ANKRD30B: variants seen among roughly 807,000 people sequenced by gnomAD.
The protein encoded by ANKRD30B is ankyrin repeat domain-containing protein 30B.
A neutral mutation model predicts 202.2 loss-of-function variants in ANKRD30B; 144 were observed. The ratio of observed to expected loss-of-function variants is 0.71; its 90% CI spans 0.62 to 0.82. ANKRD30B has a LOEUF of 0.82. ANKRD30B is among the 40% of genes least tolerant of loss of function. The pLI, the probability that ANKRD30B is intolerant of heterozygous loss-of-function variation, is 0.00. For synonymous variants in ANKRD30B, 508 were observed against 561.3 expected (o/e 0.91, Z 1.34); for missense variants, 1,487 against 1,669.1 (o/e 0.89, Z 1.90).
chr18:14,778,025 C>A lies in ANKRD30B; in HGVS notation c.1370C>A (p.Pro457His). 1 of 1,549,078 alleles carries A rather than the reference C, an allele frequency of 6.5e-7. No individual in the cohort carries two copies. Among genetic ancestry groups the A allele is most frequent in the Non-Finnish European group, 8.7e-7 (1 of 1,144,998 alleles). ...KSAAQNYTCL[P>H]DATYQKDIKT... is the part of the protein sequence containing the mutation. ...GCTGCACAGAATTATACGTGTTTAC[C>A]TGATGCTACATATCAAAAAGATATC... Residue 457 changes from proline (P) to histidine (H), a missense_variant, in exon 10 of 44, where the codon CCT becomes CAT. Physicochemically the swap from Pro to His is moderately conservative, Grantham distance 77. This residue lies in a region of ANKRD30B where 889 missense variants were observed against 841.4 expected (regional missense o/e 1.06). Coordinates refer to ENST00000690538, the MANE Select transcript of ANKRD30B (RefSeq NM_001367607.2).
At position 14,819,273 on chromosome 18, in the gene ANKRD30B, G is replaced by T. The variant is rs1198640065; in HGVS notation, c.2642-3210G>T. On this transcript the variant is annotated intron_variant, in intron 30 of 43. Coordinates refer to ENST00000690538, the MANE Select transcript of ANKRD30B (RefSeq NM_001367607.2). ...GATTCTGGATATTAGCCCTTTGTCA[G>T]ATGAGTAGGTTGCGAAAATTTTCTC... Among the ~76,000 whole-genome samples the T allele has an allele frequency of 2.6e-5, 4 of 151,190 alleles. No homozygotes were observed. In the East Asian group the frequency reaches 7.8e-4, roughly 29 times the overall value.
intron 39 of ANKRD30B, among the ~76,000 whole-genome samples, chr18:14,848,415 C>T (rs11080794): frequency 0.51 from 75,523 of 148,304 alleles, 18,656 homozygotes; most frequent in African/African-American, 0.53. Context: ...ATACATTCCT[C>T]GGGGGAATTT....
intron 33 of ANKRD30B, among the ~76,000 whole-genome samples, chr18:14,829,173 T>A (rs546578145): frequency 6.6e-6 from 1 of 152,290 alleles, no homozygotes; most frequent in South Asian, 2.1e-4. Flanking sequence ...TTTCTATAGC[T>A]AAAATTAAAG....
chr18:14,799,513 C>T (rs1428412537), intron 22 of ANKRD30B, among the ~76,000 whole-genome samples: 1 of 152,118 alleles, frequency 6.6e-6, no homozygotes, highest in Non-Finnish European at 1.5e-5. Flanking sequence ...TCATGTGGTT[C>T]TTCTTTAATA....
chr18:14,890,985 A>AAATTAATAATTTAGTAATTATTAAT, the ANKRD30B span, among the ~76,000 whole-genome samples: 41 of 152,266 alleles, frequency 2.7e-4, no homozygotes, highest in Non-Finnish European at 5.3e-4. Context: ...TTTTAATGAC[A>AAATTAATAATTTAGTAATTATTAAT]CACTAAATAA....
intron 20 of ANKRD30B, among the ~76,000 whole-genome samples, chr18:14,798,393 C>T (rs1009036501): frequency 7.2e-5 from 11 of 151,994 alleles, no homozygotes; most frequent in Admixed American, 2.0e-4. Flanking sequence ...GTGTGTGCAT[C>T]GGTAATTTCT....
chr18:14,763,433 G>A (rs1915574405), intron 6 of ANKRD30B, among the ~76,000 whole-genome samples: 1 of 152,204 alleles, frequency 6.6e-6, no homozygotes, highest in Admixed American at 6.5e-5. Flanking sequence ...TGTAATCCCA[G>A]CTACTTGGGA....
At chr18:14,759,371 G>A (rs1000084161) in intron 5 of ANKRD30B, 5 of 152,172 alleles carry the variant, frequency 3.3e-5, no homozygotes, top group African/African-American at 1.2e-4. Flanking sequence ...GTGACTCCCA[G>A]GATTGCACTT....
intron 9 of ANKRD30B, among the ~76,000 whole-genome samples, chr18:14,777,122 T>A (rs1598603351): frequency 1.3e-5 from 2 of 152,258 alleles, no homozygotes; most frequent in East Asian, 3.9e-4. Context: ...CACGAGTGAA[T>A]TTTTTATGAA....
intron 15 of ANKRD30B, 28 bp from the exon 16 acceptor site, chr18:14,791,373 A>C: frequency 6.5e-7 from 1 of 1,548,558 alleles, no homozygotes; most frequent in Non-Finnish European, 8.8e-7. Flanking sequence ...TTTTCATTGA[A>C]ATTATTTATT....
intron 1 of ANKRD30B, 57 bp downstream of exon 1, chr18:14,748,697 C>T: frequency 4.8e-6 from 7 of 1,454,842 alleles, no homozygotes; most frequent in Non-Finnish European, 6.4e-6. Context: ...GTGGGAGGAT[C>T]GCCCCTTCAG....
rs1914655297 is a variant in ANKRD30B at position 14,758,041 on chromosome 18, C to T, written c.755+89C>T. 115 of 1,422,560 alleles carry T rather than the reference C, an allele frequency of 8.1e-5. No homozygotes were observed. The South Asian group carries it at 1.5e-3, about 19-fold the overall frequency. The allele number at this position is 1,422,560 out of a possible 1,614,324, so 88.1% of individuals were successfully genotyped here. A position where few individuals can be genotyped will look rare whatever the true frequency, so the allele number is the denominator to read the frequency against. On this transcript the variant is annotated intron_variant, in intron 5 of 43. Transcript: ENST00000690538. ...ACAGTGACTTAGTTCACTTCATCAG[C>T]CAGAAACTAGGCAAAAAGCCAGACT...
intron 34 of ANKRD30B, among the ~76,000 whole-genome samples, chr18:14,834,584 ATAGCTGATTT>A (rs1971092219): frequency 6.6e-6 from 1 of 152,012 alleles, no homozygotes. Flanking sequence ...TGAGTGACTT[ATAGCTGATTT>A]TAATAAAAAG....
chr18:14,784,460 T>G lies in ANKRD30B; in HGVS notation c.1600-3T>G. The G allele has an allele frequency of 6.2e-7, 1 of 1,613,384 alleles. No homozygotes were observed. Among genetic ancestry groups the G allele is most frequent in the Non-Finnish European group, 8.5e-7 (1 of 1,179,494 alleles). On this transcript the variant is annotated splice_polypyrimidine_tract_variant and splice_region_variant and intron_variant, in intron 13 of 43. Coordinates refer to ENST00000690538, the MANE Select transcript of ANKRD30B (RefSeq NM_001367607.2). ...TGATCATTTTTCTTCCAAACCCATT[T>G]AGCCTGCCGTTGAAATGCAAAAGAC...
intron 7 of ANKRD30B, among the ~76,000 whole-genome samples, chr18:14,767,507 T>C (rs1166534653): frequency 6.6e-6 from 1 of 152,204 alleles, no homozygotes; most frequent in East Asian, 1.9e-4. Context: ...CTTCTTTTTC[T>C]TGTGATGACT....
chr18:14,810,078 A>C, intron 27 of ANKRD30B, 30 bp from the exon 28 acceptor site: 1 of 1,473,822 alleles, frequency 6.8e-7, no homozygotes, highest in Non-Finnish European at 9.3e-7. Context: ...TACATTATCT[A>C]TTAATTTTTG....
Position 14,837,129 on chromosome 18 carries a change from A to G in ANKRD30B, c.2848-82A>G, listed in dbSNP as rs1428213815. 12 of 812,814 alleles carry G rather than the reference A, an allele frequency of 1.5e-5. No homozygotes were observed. In the Admixed American group the frequency reaches 1.5e-4, roughly 10 times the overall value. 50.4% of individuals were successfully genotyped at this position (812,814 alleles called of 1,614,324 possible). A position where few individuals can be genotyped will look rare whatever the true frequency, so the allele number is the denominator to read the frequency against. On this transcript the variant is annotated intron_variant, in intron 34 of 43. Coordinates refer to ENST00000690538, the MANE Select transcript of ANKRD30B (RefSeq NM_001367607.2). Reference sequence around the variant, plus strand: ...GTTGTTGTTGTTTGTCTTTCTGACAAATTGATTGAGTGAGTGAATAAATAC... The same window carrying G: ...GTTGTTGTTGTTTGTCTTTCTGACAGATTGATTGAGTGAGTGAATAAATAC...
In ANKRD30B at chr18:14,826,259, G is replaced by A. The variant is rs892515439; in HGVS notation, c.2744-2019G>A. On this transcript the variant is annotated intron_variant, in intron 32 of 43. Transcript: ENST00000690538. Reference sequence around the variant, plus strand: ...CACAGGACTTGGTAAAGGAGACTGAGCAGTGGCTAATGAAAAGTAGGAGAG... The same window carrying A: ...CACAGGACTTGGTAAAGGAGACTGAACAGTGGCTAATGAAAAGTAGGAGAG... Among the ~76,000 whole-genome samples the A allele has an allele frequency of 2.6e-5, 4 of 152,226 alleles. No individual in the cohort carries two copies. In the South Asian group the frequency reaches 6.2e-4, roughly 24 times the overall value.
At chr18:14,762,478 T>C (rs894604932) in intron 6 of ANKRD30B, among the ~76,000 whole-genome samples, 3 of 152,162 alleles carry the variant, frequency 2.0e-5, no homozygotes, top group Non-Finnish European at 4.4e-5. Context: ...GAAGCGCAGG[T>C]TATGTTACGT....
Sources: gnomAD v4.1 joint callset for allele counts (sites outside exome capture counted in the v4.1 genomes callset) on GRCh38, gnomAD v4.1.1 for gene constraint, gnomAD v4.1.1 regional missense constraint, MANE v1.5 for transcripts, NCBI Gene and HGNC (gene_info 2026-07-23, HGNC 2026-07-21) for gene names.